ZNF536: variants seen among roughly 807,000 people sequenced by gnomAD.
ZNF536 encodes the protein zinc finger protein 536.
Under a neutral mutation model 84.5 loss-of-function variants are expected in ZNF536, and 13 were observed. That is an observed-to-expected ratio of 0.15 (90% CI 0.10 to 0.24). The LOEUF is 0.24. Ranked by LOEUF, ZNF536 falls within the 10% of genes least tolerant of loss-of-function variation. The pLI is 1.00. For missense variants in ZNF536, 1,536 were observed against 1,747.5 expected, an observed-to-expected ratio of 0.88 and a Z score of 2.16; for synonymous variants, 811 against 742.5, an observed-to-expected ratio of 1.09 and a Z score of -1.50.
At chr19:30,523,768 T>A (rs1375208096) in intron 2 of ZNF536, among the ~76,000 whole-genome samples, 1 of 152,052 alleles carries the variant, frequency 6.6e-6, no homozygotes, top group African/African-American at 2.4e-5. Flanking sequence ...GTGCCAAGGG[T>A]CTCTGGATGC....
intron 1 of ZNF536, among the ~76,000 whole-genome samples, chr19:30,239,361 A>C (rs1248976161): frequency 2.0e-5 from 3 of 152,226 alleles, no homozygotes; most frequent in African/African-American, 7.2e-5. Flanking sequence ...TGACTTGCCC[A>C]AGGCCAAGCT....
At chr19:30,330,174 C>T (rs1402199430) in intron 2 of ZNF536, among the ~76,000 whole-genome samples, 1 of 152,176 alleles carries the variant, frequency 6.6e-6, no homozygotes, top group African/African-American at 2.4e-5. Flanking sequence ...ATACTTTATT[C>T]ATCAGAAAGC....
chr19:30,273,678 G>C (rs1439785328), intron 1 of ZNF536, among the ~76,000 whole-genome samples: 1 of 152,174 alleles, frequency 6.6e-6, no homozygotes, highest in Non-Finnish European at 1.5e-5. Flanking sequence ...TTTCTCCAAT[G>C]TGTAGCTTGT....
chr19:30,560,319 C>T (rs543006643), downstream of ZNF536, among the ~76,000 whole-genome samples: 81 of 151,952 alleles, frequency 5.3e-4, no homozygotes, highest in African/African-American at 1.8e-3. Context: ...TATAACAAGC[C>T]CACCTCCCCC....
intron 1 of ZNF536, among the ~76,000 whole-genome samples, chr19:30,419,938 G>A (rs577925101): frequency 9.2e-5 from 14 of 152,310 alleles, no homozygotes; most frequent in African/African-American, 1.9e-4. Flanking sequence ...GTTCCCATCC[G>A]GGTGCTGCTT....
At chr19:30,525,918 GA>G (rs1177019385) in intron 2 of ZNF536, among the ~76,000 whole-genome samples, 1 of 152,180 alleles carries the variant, frequency 6.6e-6, no homozygotes, top group East Asian at 1.9e-4. Flanking sequence ...GACACAGCTG[GA>G]GGTTATTCTA....
intron 3 of ZNF536, among the ~76,000 whole-genome samples, chr19:30,354,496 G>A (rs773802607): frequency 2.6e-5 from 4 of 152,080 alleles, no homozygotes; most frequent in South Asian, 2.1e-4. Flanking sequence ...GCGTCCCAAC[G>A]TATTGGAATT....
intron 1 of ZNF536, among the ~76,000 whole-genome samples, chr19:30,661,184 C>A (rs1419804458): frequency 1.3e-5 from 2 of 152,212 alleles, no homozygotes; most frequent in Non-Finnish European, 2.9e-5. Context: ...CAAAGGAAAT[C>A]TTTTCTGCTC....
intron 1 of ZNF536, among the ~76,000 whole-genome samples, chr19:30,600,988 T>C (rs991697775): frequency 2.0e-5 from 3 of 152,344 alleles, no homozygotes; most frequent in South Asian, 4.1e-4. Context: ...ATGGAGTTGG[T>C]TAGAGAAAGA....
intron 1 of ZNF536, among the ~76,000 whole-genome samples, chr19:30,407,141 T>G (rs2050292467): frequency 6.6e-6 from 1 of 152,144 alleles, no homozygotes; most frequent in Non-Finnish European, 1.5e-5. Context: ...ACAACTCCAC[T>G]TTGCTCCTCC....
At chr19:30,518,440 G>A (rs531353504) in intron 2 of ZNF536, among the ~76,000 whole-genome samples, 12 of 152,274 alleles carry the variant, frequency 7.9e-5, no homozygotes, top group Admixed American at 2.6e-4. Flanking sequence ...GATTATAACC[G>A]TGCTCTAACA....
At chr19:30,675,335 C>T (rs1452580200) in intron 1 of ZNF536, among the ~76,000 whole-genome samples, 1 of 152,182 alleles carries the variant, frequency 6.6e-6, no homozygotes, top group East Asian at 1.9e-4. Flanking sequence ...GAGCTTCTAC[C>T]TGATGGACCC....
chr19:30,618,985 A>G (rs904443796), intron 1 of ZNF536, among the ~76,000 whole-genome samples: 1 of 152,132 alleles, frequency 6.6e-6, no homozygotes, highest in Non-Finnish European at 1.5e-5. Flanking sequence ...AAGTTTAAGG[A>G]TGTATACATT....
At chr19:30,452,045 G>A (rs1460214211) in intron 2 of ZNF536, among the ~76,000 whole-genome samples, 1 of 152,194 alleles carries the variant, frequency 6.6e-6, no homozygotes, top group East Asian at 1.9e-4. Flanking sequence ...GGTGTGTTGG[G>A]GTGGGAGTTA....
chr19:30,589,393 G>C (rs2047203024), intron 1 of ZNF536, among the ~76,000 whole-genome samples: 1 of 152,176 alleles, frequency 6.6e-6, no homozygotes, highest in Admixed American at 6.5e-5. Flanking sequence ...TGGTTTAAGA[G>C]GTTGCTTGAA....
chr19:30,638,827 C>CTG (rs2049165178), intron 1 of ZNF536, among the ~76,000 whole-genome samples: 1 of 152,194 alleles, frequency 6.6e-6, no homozygotes, highest in Admixed American at 6.5e-5. Context: ...GGACACATTG[C>CTG]TGTATTATGC....
chr19:30,643,470 A>T (rs1477129263), intron 1 of ZNF536, among the ~76,000 whole-genome samples: 1 of 152,200 alleles, frequency 6.6e-6, no homozygotes, highest in Non-Finnish European at 1.5e-5. Context: ...TATACCATTT[A>T]TACAGTGTTT....
intron 1 of ZNF536, among the ~76,000 whole-genome samples, chr19:30,585,290 G>C (rs548204729): frequency 6.6e-6 from 1 of 152,264 alleles, no homozygotes; most frequent in Non-Finnish European, 1.5e-5. Context: ...ATCCTCATGA[G>C]GGCAGCAACC....
At chr19:30,314,602 T>A (rs1290718481) in intron 2 of ZNF536, among the ~76,000 whole-genome samples, 1 of 152,114 alleles carries the variant, frequency 6.6e-6, no homozygotes, top group Admixed American at 6.5e-5. Flanking sequence ...TGGACTCATG[T>A]TGTCAGGGTT....
Sources: allele counts gnomAD v4.1 joint callset (sites outside exome capture counted in the v4.1 genomes callset), GRCh38; gene constraint gnomAD v4.1.1; transcripts MANE v1.5; gene names NCBI Gene and HGNC (gene_info 2026-07-23, HGNC 2026-07-21).